APC2: variants seen among roughly 807,000 people sequenced by gnomAD.
APC2 encodes the protein APC regulator of Wnt signaling pathway 2, also known as adenomatous polyposis coli protein 2.
APC2 carries 41 observed loss-of-function variants against 72.5 expected under a neutral mutation model. The ratio of observed to expected loss-of-function variants is 0.57; its 90% CI spans 0.44 to 0.73. The LOEUF is 0.73. Ranked by LOEUF, APC2 falls within the 30% of genes least tolerant of loss-of-function variation. The pLI, the probability that APC2 is intolerant of heterozygous loss-of-function variation, is 0.00. For synonymous variants in APC2, 1,898 were observed against 1,612.0 expected (o/e 1.18, Z -4.25); for missense variants, 3,729 against 3,403.4 (o/e 1.10, Z -2.38).
chr19:1,462,524 G>A (rs548009357), intron 14 of APC2, among the ~76,000 whole-genome samples: 13 of 151,394 alleles, frequency 8.6e-5, no homozygotes, highest in South Asian at 2.1e-4. Context: ...GTGTGGTGGC[G>A]GGCACCTGTA....
In APC2 at chr19:1,465,525, C is replaced by A; in HGVS notation, c.2224C>A (p.Leu742Met). Residue 742 changes from leucine to methionine, a missense_variant, in exon 15 of 15, where the codon CTG becomes ATG. Transcript: ENST00000590469. Reference protein sequence around the residue: ...ARHLAQALEHLEKQGPPAAEA... With the variant: ...ARHLAQALEHMEKQGPPAAEA... The stretch of plus-strand genomic sequence containing the variant: ...GCACCTCGCGCAGGCGCTGGAGCAC[C>A]TGGAGAAGCAGGGCCCGCCGGCAGC... 6.5e-7 allele frequency: 1 copy of A among 1,527,914 alleles called. No homozygotes were observed. The highest frequency in any genetic ancestry group is 8.8e-7 in the Non-Finnish European group (1 of 1,139,220). 94.6% of individuals were successfully genotyped at this position (1,527,914 alleles called of 1,614,324 possible). A position where few individuals can be genotyped will look rare whatever the true frequency, so the allele number is the denominator to read the frequency against.
At chr19:1,455,125 C>T (rs200332830) in intron 4 of APC2, 24 bp from the exon 5 acceptor site, 465 of 1,512,864 alleles carry the variant, frequency 3.1e-4, no homozygotes, top group Non-Finnish European at 3.8e-4. Flanking sequence ...CCTCTGAGCC[C>T]GCCCCCGCTG....
At position 1,468,537 on chromosome 19, in the gene APC2, G is replaced by T; in HGVS notation, c.5236G>T (p.Gly1746Cys). The T allele has an allele frequency of 6.2e-7, 1 of 1,600,340 alleles. No individual in the cohort carries two copies. The highest frequency in any genetic ancestry group is 8.5e-7 in the Non-Finnish European group (1 of 1,172,008). Reference protein sequence around the residue: ...RKGRQAEGEMGSARRPEKRGA... With the variant: ...RKGRQAEGEMCSARRPEKRGA... ...GGGACGACAGGCGGAGGGAGAAATG[G>T]GCAGTGCCCGGCGGCCAGAGAAAAG... Residue 1746 changes from glycine to cysteine, a missense_variant, in exon 15 of 15, where the codon GGC becomes TGC. Transcript: ENST00000590469.
In APC2 at chr19:1,467,031, G is replaced by A. The variant is rs1222842916; in HGVS notation, c.3730G>A (p.Ala1244Thr). ...CTACGTGAAGCGCTTCCTGGACATC[G>A]CCGACTGCCGGGAGCGCTGCCGGCT... ...ESYVKRFLDI[A>T]DCRERCRLPS... The change falls in exon 15 of 15, where the codon GCC (alanine) becomes ACC (threonine). Residue 1244 changes from alanine (A) to threonine (T), a missense_variant. Ala to Thr is a moderately conservative substitution (Grantham distance 58). Coordinates refer to ENST00000590469, the MANE Select transcript of APC2 (RefSeq NM_005883.3). 1 of 1,611,208 alleles carries A rather than the reference G, an allele frequency of 6.2e-7. No homozygotes were observed. The highest frequency in any genetic ancestry group is 8.5e-7 in the Non-Finnish European group (1 of 1,179,426).
In APC2 at chr19:1,469,347, T is replaced by A; in HGVS notation, c.6046T>A (p.Ser2016Thr). ...RRRSELSSAE[S>T]AASAPQGASP... is the part of the protein sequence containing the mutation. ...CCGCTCCGAGCTGTCCTCGGCCGAG[T>A]CCGCGGCCTCTGCCCCCCAGGGCGC... Residue 2016 changes from serine to threonine, a missense_variant, in exon 15 of 15, where the codon TCC becomes ACC. Coordinates refer to ENST00000590469, the MANE Select transcript of APC2 (RefSeq NM_005883.3). 3 of 1,344,338 alleles carry A rather than the reference T, an allele frequency of 2.2e-6. No individual in the cohort carries two copies. Among genetic ancestry groups the A allele is most frequent in the East Asian group, 3.6e-5 (1 of 27,940 alleles). 83.3% of individuals were successfully genotyped at this position (1,344,338 alleles called of 1,614,324 possible). A position where few individuals can be genotyped will look rare whatever the true frequency, so the allele number is the denominator to read the frequency against.
At chr19:1,446,471 C>CG, upstream of APC2, 1 of 689,118 alleles carries the variant, frequency 1.5e-6, no homozygotes, top group African/African-American at 2.0e-5. The surrounding 1 kb of genome is among the most constrained non-coding windows in gnomAD (Gnocchi z 6.1). Flanking sequence ...GCTGCAGAGT[C>CG]GGGGGTCTAG....
At chr19:1,446,891 G>A (rs2083692701), upstream of APC2, among the ~76,000 whole-genome samples, 1 of 152,236 alleles carries the variant, frequency 6.6e-6, no homozygotes, top group Non-Finnish European at 1.5e-5. The surrounding 1 kb of genome is among the most constrained non-coding windows in gnomAD (Gnocchi z 6.1). Flanking sequence ...TTTCGCGGCT[G>A]TGACATCCCT....
At chr19:1,458,119 C>G in intron 10 of APC2, 59 bp downstream of exon 10, 1 of 1,463,936 alleles carries the variant, frequency 6.8e-7, no homozygotes, top group Non-Finnish European at 9.3e-7. Context: ...GTGGTGGCTC[C>G]TCGGCCGCTA....
upstream of APC2, among the ~76,000 whole-genome samples, chr19:1,447,335 A>C (rs186240287): frequency 1.3e-5 from 2 of 152,354 alleles, no homozygotes; most frequent in African/African-American, 4.8e-5. Flanking sequence ...GGTCAGACTC[A>C]GAAGGCTCAA....
rs1475996124 is a variant in APC2 at position 1,466,543 on chromosome 19, G to A, written c.3242G>A (p.Arg1081His). The A allele has an allele frequency of 1.3e-6, 2 of 1,584,806 alleles. No homozygotes were observed. Among genetic ancestry groups the A allele is most frequent in the African/African-American group, 1.3e-5 (1 of 74,742 alleles). ...CTTTCCTCGCTGTCCTCGGCCGGCC[G>A]CCCAGGCCCCAGCGAGGGTGGTGAC... ...SSLSSLSSAG[R>H]PGPSEGGDLD... The change falls in exon 15 of 15, where the codon CGC becomes CAC. Residue 1081 changes from arginine (R) to histidine (H), a missense_variant. Transcript: ENST00000590469.
At position 1,456,160 on chromosome 19, in the gene APC2, G is replaced by C. The variant is rs1008664946; in HGVS notation, c.717+7G>C. On this transcript the variant is annotated splice_region_variant and intron_variant, in intron 7 of 14. Transcript: ENST00000590469. Reference sequence around the variant, plus strand: ...GCAGCAGACGGAGCCCCAGGTACCGGGTGGGGCAGAGCCAGGGACCAGGGG... The same window carrying C: ...GCAGCAGACGGAGCCCCAGGTACCGCGTGGGGCAGAGCCAGGGACCAGGGG... 3 of 1,582,204 alleles carry C rather than the reference G, an allele frequency of 1.9e-6. No individual in the cohort carries two copies. The East Asian group carries it at 6.9e-5, about 36-fold the overall frequency.
rs749078066 is a variant in APC2, at chr19:1,457,130, G to T, written c.1094G>T (p.Arg365Leu). 4 of 1,588,472 alleles carry T rather than the reference G, an allele frequency of 2.5e-6. No individual in the cohort carries two copies. Among genetic ancestry groups the T allele is most frequent in the Non-Finnish European group, 3.4e-6 (4 of 1,170,528 alleles). ...TCGCAGCCGGACCAGGGCCTGGCGC[G>T]CAAGGAGATGCGCGTCCTGCACGTG... is the stretch of plus-strand genomic sequence containing the variant. The part of the protein sequence containing the change: ...VFSQPDQGLA[R>L]KEMRVLHVLE... The change falls in exon 9 of 15, where the codon CGC becomes CTC. Residue 365 changes from arginine to leucine, a missense_variant. Physicochemically the swap from Arg to Leu is moderately radical, Grantham distance 102. Coordinates refer to ENST00000590469, the MANE Select transcript of APC2 (RefSeq NM_005883.3).
At chr19:1,448,353 C>T (rs1184741892), upstream of APC2, among the ~76,000 whole-genome samples, 2 of 152,112 alleles carry the variant, frequency 1.3e-5, no homozygotes, top group African/African-American at 4.8e-5. Flanking sequence ...TTGAGACCAG[C>T]CCGACCAACA....
chr19:1,451,708 A>G (rs1315151218), intron 1 of APC2: 1 of 152,310 alleles, frequency 6.6e-6, no homozygotes, highest in Non-Finnish European at 1.5e-5. Flanking sequence ...GAACAGCCAA[A>G]TGGTGGTCCC....
chr19:1,466,493 A>G lies in APC2; in HGVS notation c.3192A>G (p.Pro1064=), dbSNP rs764496758. The part of the protein sequence containing the change: ...ALQKLAAQEG[P]LSLSRCSSLS... Reference sequence around the variant, plus strand: ...AGAAACTGGCGGCGCAAGAGGGGCCACTCTCGCTGTCCCGATGCAGCTCCC... The same window carrying G: ...AGAAACTGGCGGCGCAAGAGGGGCCGCTCTCGCTGTCCCGATGCAGCTCCC... The change falls in exon 15 of 15, where the codon CCA becomes CCG. Residue 1064 remains proline, a synonymous_variant. Coordinates refer to ENST00000590469, the MANE Select transcript of APC2 (RefSeq NM_005883.3). The G allele has an allele frequency of 6.3e-6, 10 of 1,597,172 alleles. No homozygotes were observed. The highest frequency in any genetic ancestry group is 7.6e-6 in the Non-Finnish European group (9 of 1,179,228).
chr19:1,457,434 C>G (rs926557257), intron 9 of APC2, 191 bp downstream of exon 9: 1 of 807,696 alleles, frequency 1.2e-6, no homozygotes, highest in Non-Finnish European at 1.8e-6. Flanking sequence ...TCGTACCTGG[C>G]GCAGAGTAAA....
chr19:1,452,163 C>G lies in APC2; in HGVS notation c.-18-821C>G, dbSNP rs544762459. 6.5e-6 allele frequency: 1 copy of G among 153,116 alleles called. No individual in the cohort carries two copies. The highest frequency in any genetic ancestry group is 1.5e-5 in the Non-Finnish European group (1 of 68,786). 9.5% of individuals were successfully genotyped at this position (153,116 alleles called of 1,614,324 possible). A position where few individuals can be genotyped will look rare whatever the true frequency, so the allele number is the denominator to read the frequency against. Reference sequence around the variant, plus strand: ...AGGGCCGAGCCGAGGGAGGAGGCGCCGGCCAGCTGGACAGAGGGAGGAGGC... The same window carrying G: ...AGGGCCGAGCCGAGGGAGGAGGCGCGGGCCAGCTGGACAGAGGGAGGAGGC... On this transcript the variant is annotated intron_variant, in intron 1 of 14. Transcript: ENST00000590469. This position sits in a 1 kb window ranked among gnomAD's most constrained non-coding sequence, Gnocchi z 5.1.
chr19:1,465,512 G>C lies in APC2; in HGVS notation c.2211G>C (p.Gln737His). 3.3e-6 allele frequency: 5 copies of C among 1,526,002 alleles called. No individual in the cohort carries two copies. The highest frequency in any genetic ancestry group is 4.4e-6 in the Non-Finnish European group (5 of 1,139,154). 94.5% of individuals were successfully genotyped at this position (1,526,002 alleles called of 1,614,324 possible). ...AGCTGGACGCACGGCACCTCGCGCA[G>C]GCGCTGGAGCACCTGGAGAAGCAGG... ...EAELDARHLA[Q>H]ALEHLEKQGP... Residue 737 changes from glutamine (Q) to histidine (H), a missense_variant, in exon 15 of 15, where the codon CAG becomes CAC. Transcript: ENST00000590469.
intron 8 of APC2, 30 bp downstream of exon 8, chr19:1,456,434 G>A (rs750478030): frequency 8.4e-6 from 13 of 1,552,744 alleles, no homozygotes; most frequent in African/African-American, 2.7e-5. Flanking sequence ...GGGGGCTGGC[G>A]CAGCTGTCTG....
Sources: gnomAD v4.1 joint callset for allele counts (sites outside exome capture counted in the v4.1 genomes callset) on GRCh38, gnomAD v4.1.1 for gene constraint, Gnocchi (gnomAD v3.1) non-coding constraint, MANE v1.5 for transcripts, NCBI Gene and HGNC (gene_info 2026-07-23, HGNC 2026-07-21) for gene names.